The following BABAM2 variants were observed in gnomAD, a reference collection of about 807,000 sequenced individuals.
BABAM2 encodes BRISC and BRCA1-A complex member 2.
BABAM2 carries 31 observed loss-of-function variants against 54.7 expected under a neutral mutation model. The observed-to-expected ratio is 0.57, with a 90% CI of 0.43 to 0.77. The LOEUF (loss-of-function observed/expected upper bound fraction) is 0.77, where lower values mean the gene tolerates loss of function less well. BABAM2 is among the 30% of genes least tolerant of loss of function. BABAM2 has a pLI of 0.00. For synonymous variants in BABAM2, 167 were observed against 162.9 expected, an observed-to-expected ratio of 1.03 and a Z score of -0.19; for missense variants, 364 against 455.8, an observed-to-expected ratio of 0.80 and a Z score of 1.83.
At chr2:27,899,195 G>A (rs1379954654) in intron 2 of BABAM2, among the ~76,000 whole-genome samples, 2 of 152,160 alleles carry the variant, frequency 1.3e-5, no homozygotes, top group African/African-American at 4.8e-5. Flanking sequence ...TTCTTTTTTA[G>A]CATGTCACAG....
chr2:28,244,840 A>G lies in BABAM2; in HGVS notation c.912A>G (p.Lys304=), dbSNP rs1682771225. ...FTKLTLLLMW[K]DFCFLVHIDL... The stretch of plus-strand genomic sequence containing the variant: ...AACTCACTCTGCTGCTGATGTGGAA[A>G]GATTTTTGTTTTCTTGTACACAGTG... The change falls in exon 10 of 12, where the codon AAA becomes AAG. Residue 304 remains lysine, a synonymous_variant. Coordinates refer to ENST00000379624, the MANE Select transcript of BABAM2 (RefSeq NM_199191.3). The G allele has an allele frequency of 6.2e-7, 1 of 1,613,834 alleles. No homozygotes were observed. The highest frequency in any genetic ancestry group is 1.3e-5 in the African/African-American group (1 of 74,896).
chr2:27,899,056 G>A (rs765483670), intron 2 of BABAM2, among the ~76,000 whole-genome samples: 6 of 151,418 alleles, frequency 4.0e-5, no homozygotes, highest in Non-Finnish European at 8.8e-5. Context: ...TTGAGCCCAG[G>A]AGTTTGAGAC....
intron 4 of BABAM2, among the ~76,000 whole-genome samples, chr2:27,990,695 A>T (rs1252662042): frequency 1.3e-5 from 2 of 152,092 alleles, no homozygotes; most frequent in African/African-American, 2.4e-5. Context: ...TTGATTCTGT[A>T]ATATACCTGT....
At chr2:28,032,988 C>G (rs1218082515) in intron 5 of BABAM2, among the ~76,000 whole-genome samples, 1 of 152,098 alleles carries the variant, frequency 6.6e-6, no homozygotes, top group African/African-American at 2.4e-5. Context: ...CACTTCATCA[C>G]ACACGTAATT....
At chr2:28,187,531 A>G (rs4493212) in intron 7 of BABAM2, among the ~76,000 whole-genome samples, 68,323 of 152,040 alleles carry the variant, frequency 0.45, 16,388 homozygotes, top group Middle Eastern at 0.57. Flanking sequence ...TGAGTCTTTC[A>G]GTGTAAAATT....
At chr2:28,324,015 G>A (rs1387424858) in intron 11 of BABAM2, among the ~76,000 whole-genome samples, 1 of 152,156 alleles carries the variant, frequency 6.6e-6, no homozygotes, top group Non-Finnish European at 1.5e-5. Flanking sequence ...AAAGCTACAC[G>A]ATGCAGATCC....
chr2:28,145,618 C>T (rs985775472), intron 7 of BABAM2, among the ~76,000 whole-genome samples: 1 of 152,132 alleles, frequency 6.6e-6, no homozygotes, highest in Non-Finnish European at 1.5e-5. Flanking sequence ...TTAAAGTGTA[C>T]AGTTCAGTGG....
intron 7 of BABAM2, among the ~76,000 whole-genome samples, chr2:28,200,781 TG>T (rs1287122894): frequency 3.3e-5 from 5 of 152,122 alleles, no homozygotes; most frequent in African/African-American, 9.6e-5. Context: ...TTTGTTTGTT[TG>T]TTTTGAGACA....
At chr2:28,024,499 A>T (rs1675511132) in intron 4 of BABAM2, among the ~76,000 whole-genome samples, 1 of 152,182 alleles carries the variant, frequency 6.6e-6, no homozygotes, top group South Asian at 2.1e-4. Flanking sequence ...ATTCTGTGCG[A>T]CACAATGAGA....
At chr2:28,318,314 A>G (rs983691288) in intron 11 of BABAM2, among the ~76,000 whole-genome samples, 1 of 152,232 alleles carries the variant, frequency 6.6e-6, no homozygotes, top group Non-Finnish European at 1.5e-5. Flanking sequence ...GTTTTTATAA[A>G]TAAAGTTTTA....
intron 10 of BABAM2, among the ~76,000 whole-genome samples, chr2:28,251,051 A>G (rs903076343): frequency 6.6e-6 from 1 of 152,202 alleles, no homozygotes; most frequent in Non-Finnish European, 1.5e-5. Flanking sequence ...ATTCAGTCTA[A>G]TGAATGATAA....
intron 3 of BABAM2, among the ~76,000 whole-genome samples, chr2:27,983,568 A>T (rs1350329490): frequency 2.6e-5 from 4 of 152,148 alleles, no homozygotes; most frequent in Admixed American, 6.6e-5. Flanking sequence ...TTTTAACAAT[A>T]GTAAGTCTTC....
intron 6 of BABAM2, among the ~76,000 whole-genome samples, chr2:28,119,154 C>T (rs1014578287): frequency 6.6e-5 from 10 of 152,116 alleles, no homozygotes; most frequent in African/African-American, 2.2e-4. Context: ...AGTCACGTAG[C>T]ATGATGCCTC....
intron 7 of BABAM2, among the ~76,000 whole-genome samples, chr2:28,131,084 T>A (rs1156296096): frequency 7.8e-5 from 1 of 12,792 alleles, no homozygotes; most frequent in African/African-American, 2.2e-4. Flanking sequence ...TTATTATTTT[T>A]TTTTTTTTTT....
At chr2:27,925,361 T>C (rs1026115593) in intron 2 of BABAM2, among the ~76,000 whole-genome samples, 1 of 152,178 alleles carries the variant, frequency 6.6e-6, no homozygotes, top group Non-Finnish European at 1.5e-5. Context: ...AGAAGTCTTA[T>C]TCAATAAATC....
At chr2:27,981,928 G>A (rs1447743791) in intron 3 of BABAM2, among the ~76,000 whole-genome samples, 1 of 152,104 alleles carries the variant, frequency 6.6e-6, no homozygotes, top group Non-Finnish European at 1.5e-5. Context: ...TTGAGGAACT[G>A]CCAGACTGTT....
At chr2:27,954,690 C>G (rs1481336118) in intron 3 of BABAM2, among the ~76,000 whole-genome samples, 1 of 152,162 alleles carries the variant, frequency 6.6e-6, no homozygotes, top group Non-Finnish European at 1.5e-5. Context: ...ATAAGCCGAC[C>G]AAATATCACG....
chr2:28,178,699 G>GTTT (rs33941613), intron 7 of BABAM2, among the ~76,000 whole-genome samples: 39 of 148,246 alleles, frequency 2.6e-4, no homozygotes, highest in Non-Finnish European at 4.8e-4. Flanking sequence ...TAAAACAAAG[G>GTTT]TTTTTTTTTT....
At chr2:28,263,862 T>G (rs1046970788) in intron 10 of BABAM2, among the ~76,000 whole-genome samples, 1 of 152,190 alleles carries the variant, frequency 6.6e-6, no homozygotes, top group African/African-American at 2.4e-5. Context: ...TTTTGAACTC[T>G]CCCAGTGTTG....
Sources: allele counts gnomAD v4.1 joint callset (sites outside exome capture counted in the v4.1 genomes callset), GRCh38; gene constraint gnomAD v4.1.1; transcripts MANE v1.5; gene names NCBI Gene and HGNC (gene_info 2026-07-23, HGNC 2026-07-21).